Variants in ARHGAP39 observed in about 807,000 individuals in gnomAD.
ARHGAP39 encodes Rho GTPase activating protein 39.
In ARHGAP39, 44 loss-of-function variants were observed where a neutral mutation model predicts 106.9. The ratio of observed to expected loss-of-function variants is 0.41; its 90% CI spans 0.32 to 0.53. ARHGAP39 has a LOEUF of 0.53. Ranked by LOEUF, ARHGAP39 falls within the 20% of genes least tolerant of loss-of-function variation. The probability of loss-of-function intolerance (pLI) is 0.21; values close to 1 mark genes in which losing one functional copy is unlikely to be tolerated. For synonymous variants in ARHGAP39, 768 were observed against 693.2 expected (o/e 1.11, Z -1.69); for missense variants, 1,496 against 1,577.3 (o/e 0.95, Z 0.87).
At chr8:144,653,850 G>T (rs1821631329) in intron 1 of ARHGAP39, among the ~76,000 whole-genome samples, 2 of 152,108 alleles carry the variant, frequency 1.3e-5, no homozygotes, top group Non-Finnish European at 2.9e-5. Flanking sequence ...CCTCCTGTTG[G>T]AATAACTAGA....
intron 1 of ARHGAP39, among the ~76,000 whole-genome samples, chr8:144,651,307 T>C (rs1165046075): frequency 6.6e-6 from 1 of 152,170 alleles, no homozygotes; most frequent in African/African-American, 2.4e-5. Flanking sequence ...GAAGAATCGG[T>C]ATCATTAAAA....
intron 1 of ARHGAP39, among the ~76,000 whole-genome samples, chr8:144,621,033 C>A (rs781068008): frequency 2.6e-5 from 4 of 152,276 alleles, no homozygotes; most frequent in African/African-American, 4.8e-5. Flanking sequence ...TTGGAGGGGG[C>A]CAGACTCACC....
intron 1 of ARHGAP39, among the ~76,000 whole-genome samples, chr8:144,676,148 C>A (rs148711302): frequency 6.6e-6 from 1 of 152,202 alleles, no homozygotes; most frequent in Admixed American, 6.5e-5. Flanking sequence ...GGGACCCCAG[C>A]GTGTTGCCGC....
chr8:144,594,752 G>C (rs932946437), intron 2 of ARHGAP39, among the ~76,000 whole-genome samples: 2 of 151,692 alleles, frequency 1.3e-5, no homozygotes, highest in African/African-American at 4.9e-5. Context: ...TGTGGTGGTG[G>C]CAAACATGTG....
chr8:144,583,013 C>A (rs942819302), intron 2 of ARHGAP39, among the ~76,000 whole-genome samples: 1 of 152,184 alleles, frequency 6.6e-6, no homozygotes, highest in East Asian at 1.9e-4. Flanking sequence ...CTGCATGTCT[C>A]GCCACACCCT....
At chr8:144,691,462 C>T in the ARHGAP39 span, among the ~76,000 whole-genome samples, 3 of 152,118 alleles carry the variant, frequency 2.0e-5, no homozygotes, top group Non-Finnish European at 4.4e-5. Flanking sequence ...AAGAGAACAG[C>T]GAAAGTGAGA....
chr8:144,534,366 T>C (rs926551131), intron 7 of ARHGAP39, among the ~76,000 whole-genome samples, 164 bp from the exon 8 acceptor site: 1 of 152,160 alleles, frequency 6.6e-6, no homozygotes, highest in Non-Finnish European at 1.5e-5. Flanking sequence ...TCCCAGGCAG[T>C]GTCCTTTAGA....
In ARHGAP39 at chr8:144,547,896, T is replaced by G. The variant is rs1277051133; in HGVS notation, c.1190A>C (p.Gln397Pro). The G allele has an allele frequency of 6.3e-7, 1 of 1,583,790 alleles. No individual in the cohort carries two copies. Among genetic ancestry groups the G allele is most frequent in the South Asian group, 1.1e-5 (1 of 87,860 alleles). ...YSPAGKEYVR[Q>P]LVYVEQAGSS... ...GCCCGCCTGCTCCACGTAGACCAGCTGCCGCACGTACTCCTTGCCGGCGGG... is the reference window on the plus strand; with the variant it reads ...GCCCGCCTGCTCCACGTAGACCAGCGGCCGCACGTACTCCTTGCCGGCGGG... The change falls in exon 5 of 12, where the codon CAG (glutamine) becomes CCG (proline). Residue 397 changes from glutamine to proline, a missense_variant. Transcript: ENST00000377307. This position sits in a 1 kb window ranked among gnomAD's most constrained non-coding sequence, Gnocchi z 5.2.
Position 144,644,394 on chromosome 8 carries a change from G to T in ARHGAP39, c.-81-38699C>A, listed in dbSNP as rs7816938. On this transcript the variant is annotated intron_variant, in intron 1 of 11. Coordinates refer to ENST00000377307, the MANE Select transcript of ARHGAP39 (RefSeq NM_025251.3). The surrounding 1 kb of genome is among the most constrained non-coding windows in gnomAD (Gnocchi z 4.8). ...GCGGCAGATCGGCAGAGATGGAGGC[G>T]GCTATGAGGCGGGGCTGGGCACAAA... 6.6e-6 allele frequency among the ~76,000 whole-genome samples: 1 copy of T among 152,118 alleles called. No individual in the cohort carries two copies. Among genetic ancestry groups the T allele is most frequent in the Non-Finnish European group, 1.5e-5 (1 of 68,026 alleles).
chr8:144,612,756 G>A (rs536733524), intron 1 of ARHGAP39, among the ~76,000 whole-genome samples: 2 of 151,548 alleles, frequency 1.3e-5, no homozygotes, highest in African/African-American at 2.4e-5. Flanking sequence ...GGTGAGCCAC[G>A]GCTGCGCCGC....
chr8:144,620,038 T>C (rs1389287218), intron 1 of ARHGAP39, among the ~76,000 whole-genome samples: 1 of 114,326 alleles, frequency 8.7e-6, no homozygotes, highest in East Asian at 2.9e-4. Context: ...GTGCCGGTGT[T>C]TGTGTGCCTG....
At chr8:144,560,296 G>A (rs942955124) in intron 3 of ARHGAP39, among the ~76,000 whole-genome samples, 6 of 152,154 alleles carry the variant, frequency 3.9e-5, no homozygotes, top group African/African-American at 2.4e-5. Flanking sequence ...GTAGCCGGGT[G>A]TGGTGGCGCG....
chr8:144,608,895 G>A (rs1006259519), intron 1 of ARHGAP39, among the ~76,000 whole-genome samples: 4 of 152,052 alleles, frequency 2.6e-5, no homozygotes, highest in African/African-American at 4.8e-5. Flanking sequence ...AATGTTATTT[G>A]TTTTTACAAT....
rs762572888 is a variant in ARHGAP39 at position 144,670,372 on chromosome 8, C to T, written c.-82+15314G>A. Among the ~76,000 whole-genome samples, 6 of 152,312 alleles carry T rather than the reference C, an allele frequency of 3.9e-5. No individual in the cohort carries two copies. Among genetic ancestry groups the T allele is most frequent in the South Asian group, 2.1e-4 (1 of 4,826 alleles). ...CACACTGCTCCATCACCCTCCTCAC[C>T]GGGCCATCGAGCCTCTGAATCCCAC... On this transcript the variant is annotated intron_variant, in intron 1 of 11. Coordinates refer to ENST00000377307, the MANE Select transcript of ARHGAP39 (RefSeq NM_025251.3). The surrounding 1 kb of genome is among the most constrained non-coding windows in gnomAD (Gnocchi z 4.4).
intron 1 of ARHGAP39, among the ~76,000 whole-genome samples, chr8:144,609,864 C>T (rs1434083880): frequency 6.6e-6 from 1 of 152,138 alleles, no homozygotes; most frequent in Non-Finnish European, 1.5e-5. Context: ...GTATTCCCTC[C>T]TCTCAAATTC....
chr8:144,649,969 C>G (rs1821535407), intron 1 of ARHGAP39, among the ~76,000 whole-genome samples: 3 of 151,868 alleles, frequency 2.0e-5, no homozygotes, highest in African/African-American at 4.8e-5. Flanking sequence ...ATGGTGAAAC[C>G]CTGTTTCTAC....
At chr8:144,612,128 C>A (rs1227004844) in intron 1 of ARHGAP39, among the ~76,000 whole-genome samples, 1 of 152,104 alleles carries the variant, frequency 6.6e-6, no homozygotes, top group Non-Finnish European at 1.5e-5. Context: ...GTGAAGTGAG[C>A]CACGGCTGCG....
intron 1 of ARHGAP39, among the ~76,000 whole-genome samples, chr8:144,664,631 G>A (rs927038306): frequency 2.6e-5 from 4 of 152,176 alleles, no homozygotes; most frequent in African/African-American, 4.8e-5. Flanking sequence ...ATTGAATCAC[G>A]GGGGCTGGTC....
intron 3 of ARHGAP39, among the ~76,000 whole-genome samples, chr8:144,577,612 C>CCTATAT (rs1357555694): frequency 6.6e-6 from 1 of 152,190 alleles, no homozygotes; most frequent in Non-Finnish European, 1.5e-5. Flanking sequence ...ATGACATAGT[C>CCTATAT]CTATATATAG....
Sources: gnomAD v4.1 joint callset for allele counts (sites outside exome capture counted in the v4.1 genomes callset) on GRCh38, gnomAD v4.1.1 for gene constraint, Gnocchi (gnomAD v3.1) non-coding constraint, MANE v1.5 for transcripts, NCBI Gene and HGNC (gene_info 2026-07-23, HGNC 2026-07-21) for gene names.